Variants in ABHD2 observed in about 807,000 individuals in gnomAD.
ABHD2 encodes the protein monoacylglycerol lipase ABHD2.
A neutral mutation model predicts 48.1 loss-of-function variants in ABHD2; 20 were observed. The ratio of observed to expected loss-of-function variants is 0.42; its 90% CI spans 0.29 to 0.60. The LOEUF (loss-of-function observed/expected upper bound fraction) is 0.60. Among genes scored for constraint, ABHD2 ranks in the 20% least tolerant of loss-of-function variants. The pLI, the probability that ABHD2 is intolerant of heterozygous loss-of-function variation, is 0.24. For synonymous variants in ABHD2, 209 were observed against 214.2 expected, an observed-to-expected ratio of 0.98 and a Z score of 0.21; for missense variants, 405 against 550.9, an observed-to-expected ratio of 0.74 and a Z score of 2.65.
At chr15:89,041,037 T>C in the ABHD2 span, among the ~76,000 whole-genome samples, 1 of 152,224 alleles carries the variant, frequency 6.6e-6, no homozygotes, top group East Asian at 1.9e-4. Flanking sequence ...GCTTGAAAAG[T>C]GCCTACCCCT....
At chr15:89,160,142 A>G (rs1191449840) in intron 5 of ABHD2, among the ~76,000 whole-genome samples, 1 of 152,256 alleles carries the variant, frequency 6.6e-6, no homozygotes, top group Non-Finnish European at 1.5e-5. Flanking sequence ...TTTTTAATAA[A>G]TGTTTTCCTG....
intron 2 of ABHD2, among the ~76,000 whole-genome samples, chr15:89,115,370 ATGTGTGTGTGTGTGTGTG>A (rs1164718189): frequency 0.027 from 2,699 of 100,586 alleles, 47 homozygotes; most frequent in Middle Eastern, 0.089. Context: ...GTTTGGAGGT[ATGTGTGTGTGTGTGTGTG>A]TGTGTGTGTG....
At chr15:89,140,672 C>T (rs369870994) in intron 3 of ABHD2, among the ~76,000 whole-genome samples, 1 of 152,254 alleles carries the variant, frequency 6.6e-6, no homozygotes, top group East Asian at 1.9e-4. Context: ...CACAGGCCCC[C>T]CCTGTGTGTG....
intron 3 of ABHD2, among the ~76,000 whole-genome samples, chr15:89,121,621 C>T (rs2050052852): frequency 6.6e-6 from 1 of 152,108 alleles, no homozygotes; most frequent in African/African-American, 2.4e-5. Flanking sequence ...CTCTGACCTA[C>T]CCATCTGTCA....
chr15:89,049,470 G>C, the ABHD2 span, among the ~76,000 whole-genome samples: 1 of 152,242 alleles, frequency 6.6e-6, no homozygotes, highest in Non-Finnish European at 1.5e-5. Flanking sequence ...GGGCAATGGC[G>C]GGCGCCCCTC....
chr15:89,142,278 G>A (rs1341410373), intron 3 of ABHD2, among the ~76,000 whole-genome samples: 26 of 152,156 alleles, frequency 1.7e-4, no homozygotes, highest in Admixed American at 1.7e-3. Context: ...AAACTATGAA[G>A]TGCTGTATAG....
rs2051171250 is a variant in ABHD2 at position 89,184,430 on chromosome 15, TG to T, written c.723-992del. ...GTGACGTCCAGATCCATTCACAGGG[TG>T]GAGTCAGGCCTGGAGATTTTGAAAC... On this transcript the variant is annotated intron_variant, in intron 6 of 10. Transcript: ENST00000352732. The surrounding 1 kb of genome is among the most constrained non-coding windows in gnomAD (Gnocchi z 5.1). 6.6e-6 allele frequency among the ~76,000 whole-genome samples: 1 copy of T among 152,252 alleles called. No individual in the cohort carries two copies. Among genetic ancestry groups the T allele is most frequent in the East Asian group, 1.9e-4 (1 of 5,190 alleles).
chr15:89,080,166 G>A, the ABHD2 span, among the ~76,000 whole-genome samples: 1 of 152,218 alleles, frequency 6.6e-6, no homozygotes, highest in African/African-American at 2.4e-5. Flanking sequence ...AAGCCGGATT[G>A]TCATCCTGAG....
At chr15:89,152,696 C>T (rs527309589) in intron 4 of ABHD2, among the ~76,000 whole-genome samples, 52 of 152,262 alleles carry the variant, frequency 3.4e-4, no homozygotes, top group Middle Eastern at 3.4e-3. Context: ...GACAAATAGA[C>T]ACATTGAGGT....
chr15:89,063,451 A>G, the ABHD2 span, among the ~76,000 whole-genome samples: 1 of 152,180 alleles, frequency 6.6e-6, no homozygotes, highest in South Asian at 2.1e-4. Flanking sequence ...CACTGCTGAC[A>G]TATTAATATA....
the ABHD2 span, among the ~76,000 whole-genome samples, chr15:89,049,156 T>A: frequency 6.6e-6 from 1 of 152,104 alleles, no homozygotes; most frequent in African/African-American, 2.4e-5. Context: ...CCGTGTGAGG[T>A]GTCAGTCTGC....
chr15:89,065,525 C>T, the ABHD2 span, among the ~76,000 whole-genome samples: 1 of 152,104 alleles, frequency 6.6e-6, no homozygotes, highest in African/African-American at 2.4e-5. Flanking sequence ...AAATTAATGC[C>T]AAACACTCCC....
At chr15:89,131,227 A>T (rs967483097) in intron 3 of ABHD2, among the ~76,000 whole-genome samples, 10 of 152,092 alleles carry the variant, frequency 6.6e-5, no homozygotes, top group Non-Finnish European at 1.5e-4. Context: ...TCTTCCCTAT[A>T]TTCCTTGTGT....
At chr15:89,144,055 G>T (rs1395175415) in intron 3 of ABHD2, among the ~76,000 whole-genome samples, 1 of 152,210 alleles carries the variant, frequency 6.6e-6, no homozygotes, top group African/African-American at 2.4e-5. Flanking sequence ...ATTGAAAACA[G>T]ATGTTCAAAC....
intron 3 of ABHD2, among the ~76,000 whole-genome samples, chr15:89,130,993 TCACTC>T (rs1344913090): frequency 6.6e-6 from 1 of 152,194 alleles, no homozygotes; most frequent in Non-Finnish European, 1.5e-5. Flanking sequence ...CTTCTGTCCT[TCACTC>T]CATCTCTCCT....
intron 3 of ABHD2, among the ~76,000 whole-genome samples, chr15:89,125,335 G>T (rs1285782939): frequency 6.6e-6 from 1 of 152,152 alleles, no homozygotes; most frequent in South Asian, 2.1e-4. Flanking sequence ...GAACTGTAGT[G>T]TTCTGATGTG....
the ABHD2 span, among the ~76,000 whole-genome samples, chr15:89,064,492 T>C: frequency 6.6e-6 from 1 of 152,266 alleles, no homozygotes; most frequent in Middle Eastern, 3.4e-3. Context: ...CCTCCCAAAG[T>C]GCTGGGATTA....
chr15:89,056,082 G>T, the ABHD2 span, among the ~76,000 whole-genome samples: 1 of 151,684 alleles, frequency 6.6e-6, no homozygotes, highest in East Asian at 2.0e-4. Flanking sequence ...CAAACTCCTG[G>T]CCTCAAGCAA....
rs559911176 is a variant in ABHD2, at chr15:89,201,208, T to C, written c.*5785T>C. The C allele has an allele frequency of 2.2e-5, 33 of 1,477,244 alleles. No homozygotes were observed. In the East Asian group the frequency reaches 7.5e-4, roughly 33 times the overall value. The allele number at this position is 1,477,244 out of a possible 1,614,324, so 91.5% of individuals were successfully genotyped here. A position where few individuals can be genotyped will look rare whatever the true frequency, so the allele number is the denominator to read the frequency against. On this transcript the variant is annotated 3_prime_UTR_variant, in exon 11 of 11. Transcript: ENST00000352732. ...CAGGTTTATCCGAATATGCTACCTT[T>C]CTGAGCCTTAAACCTTCATCTCTCA... is the stretch of plus-strand genomic sequence containing the variant.
Sources: allele counts gnomAD v4.1 joint callset (sites outside exome capture counted in the v4.1 genomes callset), GRCh38; gene constraint gnomAD v4.1.1; non-coding constraint Gnocchi (gnomAD v3.1); transcripts MANE v1.5; gene names NCBI Gene and HGNC (gene_info 2026-07-23, HGNC 2026-07-21).